The following PVRIG variants were observed in gnomAD, a reference collection of about 807,000 sequenced individuals.
PVRIG encodes the protein transmembrane protein PVRIG.
In PVRIG, 16 loss-of-function variants were observed where a neutral mutation model predicts 21.9. The observed-to-expected ratio is 0.73, with a 90% CI of 0.50 to 1.11. The LOEUF (loss-of-function observed/expected upper bound fraction) is 1.11. PVRIG is among the 50% of genes most tolerant of loss of function. PVRIG has a pLI of 0.00. For synonymous variants in PVRIG, 190 were observed against 181.0 expected, an observed-to-expected ratio of 1.05 and a Z score of -0.40; for missense variants, 435 against 445.7, an observed-to-expected ratio of 0.98 and a Z score of 0.22.
chr7:100,221,292 T>C (rs1249937958), exon 6 of PVRIG: 1 of 1,429,638 alleles, frequency 7.0e-7, no homozygotes, highest in African/African-American at 1.4e-5. Context: ...CTCCCAGGCC[T>C]CCTGGGTGTC....
exon 6 of PVRIG, chr7:100,221,029 G>T: frequency 6.2e-7 from 1 of 1,612,800 alleles, no homozygotes; most frequent in Non-Finnish European, 8.5e-7. Flanking sequence ...CCCATGGGGG[G>T]CCGTCCTGGT....
At chr7:100,221,023 T>C (rs763351880) in exon 6 of PVRIG, 5 of 1,612,320 alleles carry the variant, frequency 3.1e-6, no homozygotes, top group Admixed American at 1.7e-5. Context: ...CTCACCCCCA[T>C]GGGGGGCCGT....
rs753055003 is a variant in PVRIG at position 100,220,364 on chromosome 7, C to G, written c.369C>G (p.Ala123=). ...CTCTCATCCTGGAAGGCTCTGGGGC[C>G]AGCAGCCCCTGCGCCAACACCACCT... Residue 123 remains alanine (A), a synonymous_variant, in exon 3 of 6, where the codon GCC becomes GCG. Transcript: ENST00000317271. 5.7e-6 allele frequency: 9 copies of G among 1,566,482 alleles called. No individual in the cohort carries two copies. The South Asian group carries it at 1.0e-4, about 18-fold the overall frequency.
chr7:100,221,381 CTCTG>C (rs60470930), exon 6 of PVRIG: 499,075 of 695,822 alleles, frequency 0.72, 183,097 homozygotes, highest in Middle Eastern at 0.86. Context: ...CGGATGTGGT[CTCTG>C]TGTGTGCGTG....
exon 6 of PVRIG, chr7:100,220,941 C>A: frequency 6.3e-7 from 1 of 1,578,642 alleles, no homozygotes; most frequent in Non-Finnish European, 8.6e-7. Context: ...CCAAGCCAGG[C>A]CTCCCAGGCT....
intron 5 of PVRIG, 28 bp downstream of exon 4, chr7:100,220,848 A>G (rs1410268450): frequency 6.2e-7 from 1 of 1,605,580 alleles, no homozygotes; most frequent in Non-Finnish European, 8.5e-7. Context: ...TTTGGGGATG[A>G]GGTGACAGGG....
exon 4 of PVRIG, chr7:100,220,585 G>T: frequency 6.2e-7 from 1 of 1,612,058 alleles, no homozygotes; most frequent in South Asian, 1.1e-5. Flanking sequence ...CATTCTGCGG[G>T]CAGACCTGGC....
At chr7:100,220,320 G>C in exon 3 of PVRIG, 1 of 1,556,544 alleles carries the variant, frequency 6.4e-7, no homozygotes, top group Non-Finnish European at 8.7e-7. Flanking sequence ...GGCCCGCTGG[G>C]AAACCCAGAG....
chr7:100,221,160 G>A (rs145493958), exon 6 of PVRIG: 1 of 1,613,056 alleles, frequency 6.2e-7, no homozygotes, highest in Non-Finnish European at 8.5e-7. Context: ...GCTCAGGCAG[G>A]GGAGAGGCCT....
At chr7:100,219,924 C>T (rs1803093195) in exon 2 of PVRIG, 1 of 1,549,704 alleles carries the variant, frequency 6.5e-7, no homozygotes, top group South Asian at 1.2e-5. Context: ...AGAACAGAGG[C>T]ACAGGTGCCG....
exon 6 of PVRIG, chr7:100,221,299 T>C: frequency 7.1e-7 from 1 of 1,399,602 alleles, no homozygotes. Context: ...GCCTCCTGGG[T>C]GTCACCCCCT....
exon 6 of PVRIG, chr7:100,221,156 G>A (rs1363004086): frequency 6.2e-7 from 1 of 1,613,196 alleles, no homozygotes; most frequent in East Asian, 2.2e-5. Context: ...CTACGCTCAG[G>A]CAGGGGAGAG....
exon 6 of PVRIG, chr7:100,221,368 C>A: frequency 1.3e-6 from 1 of 759,666 alleles, no homozygotes; most frequent in Non-Finnish European, 2.0e-6. Context: ...GGCCCACCTG[C>A]TGCGGATGTG....
chr7:100,220,454 C>T (rs772640935), exon 3 of PVRIG: 111 of 1,610,712 alleles, frequency 6.9e-5, no homozygotes, highest in Non-Finnish European at 1.7e-6. Context: ...TCCCGCCCAG[C>T]TCAGACCCAG....
exon 1 of PVRIG, chr7:100,219,366 G>C (rs1421874042): frequency 6.2e-6 from 1 of 160,860 alleles, no homozygotes; most frequent in Non-Finnish European, 1.4e-5. Flanking sequence ...CACCTATGAC[G>C]AGGAGACAGC....
At chr7:100,221,223 C>T in exon 6 of PVRIG, 1 of 1,601,378 alleles carries the variant, frequency 6.2e-7, no homozygotes, top group Non-Finnish European at 8.5e-7. Context: ...GGGCCCAGGG[C>T]CATGGAAGGA....
chr7:100,220,873 G>GGGGT, intron 5 of PVRIG, 53 bp downstream of exon 4: 1 of 1,599,230 alleles, frequency 6.3e-7, no homozygotes, highest in Non-Finnish European at 8.5e-7. Flanking sequence ...GGGCAGGGGG[G>GGGGT]CCAGGGCTGG....
intron 2 of PVRIG, 39 bp from the exon 2 acceptor site, chr7:100,220,075 G>C: frequency 6.2e-7 from 1 of 1,604,166 alleles, no homozygotes; most frequent in Non-Finnish European, 8.5e-7. Flanking sequence ...GGAGGGTGAT[G>C]TAGGACAACA....
chr7:100,220,013 T>C (rs779732412), exon 2 of PVRIG: 2 of 1,604,314 alleles, frequency 1.2e-6, no homozygotes, highest in East Asian at 2.2e-5. Flanking sequence ...GCTGCTGACC[T>C]TGTGTGTCAC....
Sources: gnomAD v4.1 joint callset for allele counts on GRCh38, gnomAD v4.1.1 for gene constraint, MANE v1.5 for transcripts, NCBI Gene and HGNC (gene_info 2026-07-23, HGNC 2026-07-21) for gene names.